Variants in KIRREL3 observed in about 807,000 individuals in gnomAD.
KIRREL3 encodes the protein kirre like nephrin family adhesion molecule 3.
A neutral mutation model predicts 89.7 loss-of-function variants in KIRREL3; 36 were observed. The ratio of observed to expected loss-of-function variants is 0.40; its 90% CI spans 0.31 to 0.53. The LOEUF (loss-of-function observed/expected upper bound fraction) is 0.53. KIRREL3 is among the 20% of genes least tolerant of loss of function. The pLI, the probability that KIRREL3 is intolerant of heterozygous loss-of-function variation, is 0.49. For synonymous variants in KIRREL3, 445 were observed against 441.4 expected, an observed-to-expected ratio of 1.01 and a Z score of -0.10; for missense variants, 864 against 1,056.6, an observed-to-expected ratio of 0.82 and a Z score of 2.53.
intron 1 of KIRREL3, among the ~76,000 whole-genome samples, chr11:126,863,412 TGTGTGAGC>T (rs1944778436): frequency 1.4e-5 from 1 of 71,366 alleles, no homozygotes. Flanking sequence ...CGTGAGTGCG[TGTGTGAGC>T]GCATGTGTGT....
chr11:126,517,136 AAGAGAGAGAGAGAGAGAG>A (rs199586143), intron 4 of KIRREL3, among the ~76,000 whole-genome samples: 6 of 140,812 alleles, frequency 4.3e-5, no homozygotes, highest in African/African-American at 1.6e-4. Context: ...GAGAGAGAGA[AAGAGAGAGAGAGAGAGAG>A]AGAGAGAGAG....
rs1033126939 is a variant in KIRREL3 at position 126,977,116 on chromosome 11, T to C, written c.55+23339A>G. Among the ~76,000 whole-genome samples, 1 of 152,216 alleles carries C rather than the reference T, an allele frequency of 6.6e-6. No homozygotes were observed. Among genetic ancestry groups the C allele is most frequent in the Admixed American group, 6.5e-5 (1 of 15,288 alleles). ...AAATCTCTCTTTTCCTTTTTTCTTT[T>C]TCTGCAGGCTTCAGCTCCTTCTGGG... On this transcript the variant is annotated intron_variant, in intron 1 of 16. Coordinates refer to ENST00000525144, the MANE Select transcript of KIRREL3 (RefSeq NM_032531.4). The surrounding 1 kb of genome is among the most constrained non-coding windows in gnomAD (Gnocchi z 4.7).
chr11:126,592,186 C>G (rs183081141), intron 1 of KIRREL3, among the ~76,000 whole-genome samples: 2 of 152,152 alleles, frequency 1.3e-5, no homozygotes, highest in Admixed American at 6.5e-5. Flanking sequence ...AGGTACTTTC[C>G]GAACAGTTAT....
chr11:126,556,748 G>A (rs556549416), intron 2 of KIRREL3, among the ~76,000 whole-genome samples: 4 of 152,160 alleles, frequency 2.6e-5, no homozygotes, highest in African/African-American at 9.7e-5. Context: ...CTGAGAAAAA[G>A]CTTTGGAATG....
chr11:126,797,276 A>G lies in KIRREL3; in HGVS notation c.55+203179T>C, dbSNP rs1262630041. ...TGACCTCTCTGAGACTCAATTTCTCATCTATGAAATAGACTAATAACAACA... is the reference window on the plus strand; with the variant it reads ...TGACCTCTCTGAGACTCAATTTCTCGTCTATGAAATAGACTAATAACAACA... On this transcript the variant is annotated intron_variant, in intron 1 of 16. Transcript: ENST00000525144. The surrounding 1 kb of genome is among the most constrained non-coding windows in gnomAD (Gnocchi z 4.9). 6.6e-6 allele frequency among the ~76,000 whole-genome samples: 1 copy of G among 152,186 alleles called. No homozygotes were observed. The highest frequency in any genetic ancestry group is 1.5e-5 in the Non-Finnish European group (1 of 68,034).
intron 1 of KIRREL3, among the ~76,000 whole-genome samples, chr11:126,659,419 C>G (rs750707278): frequency 7.9e-5 from 12 of 152,118 alleles, no homozygotes; most frequent in Non-Finnish European, 1.6e-4. Flanking sequence ...ATCTAAGAAG[C>G]CTGCGACTTG....
At position 126,484,838 on chromosome 11, in the gene KIRREL3, G is replaced by A. The variant is rs1227633504; in HGVS notation, c.434-11372C>T. Among the ~76,000 whole-genome samples the A allele has an allele frequency of 4.0e-5, 6 of 149,560 alleles. No individual in the cohort carries two copies. Among genetic ancestry groups the A allele is most frequent in the Non-Finnish European group, 8.9e-5 (6 of 67,612 alleles). ...ATTTTTTTTTTTTTTTTTCTGAGAC[G>A]GAGTCTCGCTCTTGTCACCCAGGCT... On this transcript the variant is annotated intron_variant, in intron 4 of 16. Coordinates refer to ENST00000525144, the MANE Select transcript of KIRREL3 (RefSeq NM_032531.4). The surrounding 1 kb of genome is among the most constrained non-coding windows in gnomAD (Gnocchi z 5.2).
chr11:126,845,339 C>A (rs1358484887), intron 1 of KIRREL3, among the ~76,000 whole-genome samples: 3 of 152,168 alleles, frequency 2.0e-5, no homozygotes. Context: ...GACTTCTGGG[C>A]TCTCTCTCTT....
chr11:126,915,115 A>G (rs1387633313), intron 1 of KIRREL3, among the ~76,000 whole-genome samples: 1 of 152,210 alleles, frequency 6.6e-6, no homozygotes, highest in East Asian at 1.9e-4. Context: ...AGGCATCTCA[A>G]ATACTTTGGG....
intron 1 of KIRREL3, among the ~76,000 whole-genome samples, chr11:126,743,471 T>C (rs1949045729): frequency 6.6e-6 from 1 of 152,220 alleles, no homozygotes; most frequent in Admixed American, 6.5e-5. Context: ...CTAGGAGATG[T>C]TCTGGGCTCT....
chr11:126,626,607 G>A (rs761117207), intron 1 of KIRREL3, among the ~76,000 whole-genome samples: 20 of 152,188 alleles, frequency 1.3e-4, no homozygotes, highest in Non-Finnish European at 2.8e-4. Flanking sequence ...CTACTGACCA[G>A]CCAGTATAAA....
rs536353215 is a variant in KIRREL3, at chr11:126,680,047, T to C, written c.56-117135A>G. On this transcript the variant is annotated intron_variant, in intron 1 of 16. Transcript: ENST00000525144. ...GGTCTGGTTCTCCCAGAAACACTTC[T>C]GTTGCTTCTCCTCATTAAAGAAAAC... Among the ~76,000 whole-genome samples, 173 of 152,326 alleles carry C rather than the reference T, an allele frequency of 1.1e-3. 1 individual carries two copies. The highest frequency in any genetic ancestry group is 2.0e-3 in the Non-Finnish European group (139 of 68,028).
At position 126,953,743 on chromosome 11, in the gene KIRREL3, T is replaced by G. The variant is rs118171052; in HGVS notation, c.55+46712A>C. On this transcript the variant is annotated intron_variant, in intron 1 of 16. Transcript: ENST00000525144. This position sits in a 1 kb window ranked among gnomAD's most constrained non-coding sequence, Gnocchi z 5.2. ...ATTCTGACACATTTAAACCACAGACTAGCAGGAAAGAGTTTTCATGATTTC... is the reference window on the plus strand; with the variant it reads ...ATTCTGACACATTTAAACCACAGACGAGCAGGAAAGAGTTTTCATGATTTC... Among the ~76,000 whole-genome samples, 10 of 152,290 alleles carry G rather than the reference T, an allele frequency of 6.6e-5. No homozygotes were observed. Among genetic ancestry groups the G allele is most frequent in the Non-Finnish European group, 1.3e-4 (9 of 68,022 alleles).
At chr11:126,629,186 G>A (rs1052209057) in intron 1 of KIRREL3, among the ~76,000 whole-genome samples, 33 of 152,166 alleles carry the variant, frequency 2.2e-4, no homozygotes, top group African/African-American at 8.0e-4. Flanking sequence ...CTCTCTGGGG[G>A]ACTGGGTGCT....
chr11:126,560,403 G>A (rs928583106), intron 2 of KIRREL3, among the ~76,000 whole-genome samples: 4 of 152,122 alleles, frequency 2.6e-5, no homozygotes, highest in East Asian at 3.9e-4. Context: ...TGACTATCAC[G>A]TGCCTCCTTA....
At position 126,752,633 on chromosome 11, in the gene KIRREL3, C is replaced by T. The variant is rs1379317216; in HGVS notation, c.56-189721G>A. 6.6e-6 allele frequency among the ~76,000 whole-genome samples: 1 copy of T among 152,048 alleles called. No homozygotes were observed. Among genetic ancestry groups the T allele is most frequent in the African/African-American group, 2.4e-5 (1 of 41,402 alleles). ...TTGGCACTCTAATGACTACTATTCC[C>T]CCCCCACCCACTGCCTCCCAAGATT... On this transcript the variant is annotated intron_variant, in intron 1 of 16. Transcript: ENST00000525144. The surrounding 1 kb of genome is among the most constrained non-coding windows in gnomAD (Gnocchi z 4.8).
At chr11:126,813,979 C>T (rs1951477773) in intron 1 of KIRREL3, among the ~76,000 whole-genome samples, 1 of 152,148 alleles carries the variant, frequency 6.6e-6, no homozygotes, top group Non-Finnish European at 1.5e-5. Flanking sequence ...AACAGACAAC[C>T]TGCAGAATGG....
In KIRREL3 at chr11:126,977,679, AG is replaced by A. The variant is rs2135237007; in HGVS notation, c.55+22775del. ...AATATTTGTTGAAAAAGTGAAAATG[AG>A]TTAGACTTGAGCCCAGAGTGACAGA... On this transcript the variant is annotated intron_variant, in intron 1 of 16. Transcript: ENST00000525144. The surrounding 1 kb of genome is among the most constrained non-coding windows in gnomAD (Gnocchi z 4.7). 6.6e-6 allele frequency among the ~76,000 whole-genome samples: 1 copy of A among 152,354 alleles called. No homozygotes were observed. Among genetic ancestry groups the A allele is most frequent in the African/African-American group, 2.4e-5 (1 of 41,584 alleles).
rs1371364280 is a variant in KIRREL3 at position 126,520,054 on chromosome 11, A to T, written c.433+1261T>A. ...CCAAGTCCCTCCCCCGCATCTCAAG[A>T]AGTCAAGCTCCGAGCTTGGTAAGTG... On this transcript the variant is annotated intron_variant, in intron 4 of 16. Transcript: ENST00000525144. This position sits in a 1 kb window ranked among gnomAD's most constrained non-coding sequence, Gnocchi z 4.9. Among the ~76,000 whole-genome samples, 1 of 152,078 alleles carries T rather than the reference A, an allele frequency of 6.6e-6. No individual in the cohort carries two copies. The highest frequency in any genetic ancestry group is 1.5e-5 in the Non-Finnish European group (1 of 68,032).
Sources: gnomAD v4.1 joint callset for allele counts (sites outside exome capture counted in the v4.1 genomes callset) on GRCh38, gnomAD v4.1.1 for gene constraint, Gnocchi (gnomAD v3.1) non-coding constraint, MANE v1.5 for transcripts, NCBI Gene and HGNC (gene_info 2026-07-23, HGNC 2026-07-21) for gene names.